Variants in CCNA1 observed in about 807,000 individuals in gnomAD.
CCNA1 encodes the protein cyclin-A1.
A neutral mutation model predicts 54.1 loss-of-function variants in CCNA1; 23 were observed. The observed-to-expected ratio is 0.42, with a 90% CI of 0.31 to 0.60. The LOEUF is 0.60. Ranked by LOEUF, CCNA1 falls within the 20% of genes least tolerant of loss-of-function variation. The pLI is 0.14. For missense variants in CCNA1, 450 were observed against 556.7 expected (o/e 0.81, Z 1.93); for synonymous variants, 208 against 213.9 (o/e 0.97, Z 0.24).
Position 36,437,705 on chromosome 13 carries a change from G to T in CCNA1, c.374G>T (p.Cys125Phe). 1 of 1,613,892 alleles carries T rather than the reference G, an allele frequency of 6.2e-7. No individual in the cohort carries two copies. Among genetic ancestry groups the T allele is most frequent in the Non-Finnish European group, 8.5e-7 (1 of 1,179,790 alleles). Residue 125 changes from cysteine (C) to phenylalanine (F), a missense_variant, in exon 3 of 9, where the codon TGT becomes TTT. Coordinates refer to ENST00000255465, the MANE Select transcript of CCNA1 (RefSeq NM_003914.4). ...GCTGGAAAGAAAGCACTCCCTGACT[G>T]TGGGGTCCAAGAGCCCCCCAAGCAA...
chr13:36,432,996 C>G, intron 1 of CCNA1, 37 bp from the exon 2 acceptor site: 1 of 1,586,608 alleles, frequency 6.3e-7, no homozygotes, highest in South Asian at 1.2e-5. Context: ...TGGACGGAAT[C>G]GACTAAACAG....
At position 36,438,079 on chromosome 13, in the gene CCNA1, T is replaced by C. The variant is rs780039232; in HGVS notation, c.557T>C (p.Leu186Pro). 1 of 1,613,476 alleles carries C rather than the reference T, an allele frequency of 6.2e-7. No individual in the cohort carries two copies. The highest frequency in any genetic ancestry group is 1.1e-5 in the South Asian group (1 of 90,914). Reference sequence around the variant, plus strand: ...TGAACTCTTGCAGTTTCCCCTATGCTGGTAGATTCATCTCTCCTCTCCCAG... The same window carrying C: ...TGAACTCTTGCAGTTTCCCCTATGCCGGTAGATTCATCTCTCCTCTCCCAG... Residue 186 changes from leucine (L) to proline (P), a missense_variant, in exon 4 of 9, where the codon CTG becomes CCG. Around this residue, in one of 6 missense-constraint regions of CCNA1, gnomAD observed 103 missense variants for 92.9 expected, o/e 1.11. Coordinates refer to ENST00000255465, the MANE Select transcript of CCNA1 (RefSeq NM_003914.4).
At chr13:36,433,842 G>T (rs1159201505) in intron 2 of CCNA1, among the ~76,000 whole-genome samples, 2 of 152,128 alleles carry the variant, frequency 1.3e-5, no homozygotes, top group Non-Finnish European at 2.9e-5. Flanking sequence ...TGGCAGGCCA[G>T]TTGATTTCTT....
In CCNA1 at chr13:36,433,199, A is replaced by G; in HGVS notation, c.275A>G (p.Gln92Arg). Residue 92 changes from glutamine (Q) to arginine (R), a missense_variant, in exon 2 of 9, where the codon CAG (glutamine) becomes CGG (arginine). Physicochemically the swap from Gln to Arg is conservative, Grantham distance 43 (BLOSUM62 1). This residue lies in a region of CCNA1 where 19 missense variants were observed against 40.5 expected (regional missense o/e 0.47). Coordinates refer to ENST00000255465, the MANE Select transcript of CCNA1 (RefSeq NM_003914.4). ...CTAGGGCTGCTAACTGCAAATGGGCAGTACAGGAGGACCTGTGGCCAGGTA... is the reference window on the plus strand; with the variant it reads ...CTAGGGCTGCTAACTGCAAATGGGCGGTACAGGAGGACCTGTGGCCAGGTA... The G allele has an allele frequency of 6.2e-7, 1 of 1,613,376 alleles. No homozygotes were observed. Among genetic ancestry groups the G allele is most frequent in the Non-Finnish European group, 8.5e-7 (1 of 1,179,700 alleles).
Position 36,441,162 on chromosome 13 carries a change from A to G in CCNA1, c.1143A>G (p.Lys381=). The stretch of plus-strand genomic sequence containing the variant: ...TACTTGAAGCAGATCCATTCTTGAA[A>G]TATCTTCCTTCACTGATAGCTGCAG... The change falls in exon 7 of 9, where the codon AAA becomes AAG. Residue 381 remains lysine (K), a synonymous_variant. Coordinates refer to ENST00000255465, the MANE Select transcript of CCNA1 (RefSeq NM_003914.4). The G allele has an allele frequency of 1.2e-6, 2 of 1,613,222 alleles. No homozygotes were observed. Among genetic ancestry groups the G allele is most frequent in the Non-Finnish European group, 1.7e-6 (2 of 1,179,328 alleles).
Position 36,437,726 on chromosome 13 carries a change from A to G in CCNA1, c.395A>G (p.Lys132Arg). The change falls in exon 3 of 9, where the codon AAG becomes AGG. Residue 132 changes from lysine (K) to arginine (R), a missense_variant. Physicochemically the swap from Lys to Arg is conservative, Grantham distance 26 (BLOSUM62 2). Transcript: ENST00000255465. Reference sequence around the variant, plus strand: ...GACTGTGGGGTCCAAGAGCCCCCCAAGCAAGGGTTTGACATCTACATGGAT... The same window carrying G: ...GACTGTGGGGTCCAAGAGCCCCCCAGGCAAGGGTTTGACATCTACATGGAT... The G allele has an allele frequency of 1.2e-6, 2 of 1,614,206 alleles. No individual in the cohort carries two copies. Among genetic ancestry groups the G allele is most frequent in the East Asian group, 2.2e-5 (1 of 44,880 alleles).
chr13:36,437,401 A>G (rs550700588), intron 2 of CCNA1, among the ~76,000 whole-genome samples: 3 of 152,282 alleles, frequency 2.0e-5, no homozygotes, highest in East Asian at 3.9e-4. Context: ...TGTGAGGTAG[A>G]TTAAAATTTT....
At position 36,432,613 on chromosome 13, in the gene CCNA1, T is replaced by G. The variant is rs1474527697; in HGVS notation, c.-9T>G. On this transcript the variant is annotated 5_prime_UTR_variant, in exon 1 of 9. Transcript: ENST00000255465. ...AGGCCGCAGCGCAGCACCCTGCTCGTCACTTGGGATGGAGACCGGCTTTCC... is the reference window on the plus strand; with the variant it reads ...AGGCCGCAGCGCAGCACCCTGCTCGGCACTTGGGATGGAGACCGGCTTTCC... 6.4e-7 allele frequency: 1 copy of G among 1,570,002 alleles called. No homozygotes were observed. The highest frequency in any genetic ancestry group is 2.2e-5 in the East Asian group (1 of 44,736).
intron 2 of CCNA1, among the ~76,000 whole-genome samples, 171 bp downstream of exon 2, chr13:36,433,392 TTC>T (rs2055746984): frequency 1.1e-5 from 1 of 92,224 alleles, no homozygotes; most frequent in African/African-American, 4.7e-5. Flanking sequence ...CTTTCTTTCT[TTC>T]TTTCTTTCTT....
chr13:36,439,981 A>G lies in CCNA1; in HGVS notation c.896A>G (p.Lys299Arg), dbSNP rs1462243131. Residue 299 changes from lysine to arginine, a missense_variant and splice_region_variant, in exon 6 of 9, where the codon AAA becomes AGA. Physicochemically the swap from Lys to Arg is conservative, Grantham distance 26 (BLOSUM62 2). Around this residue, in one of 6 missense-constraint regions of CCNA1, gnomAD observed 150 missense variants for 219.7 expected, o/e 0.68. Transcript: ENST00000255465. ...TCTGAAAACTCTTCCTTTCCCAGGAAATATGAAGAGATATATCCTCCTGAA... is the reference window on the plus strand; with the variant it reads ...TCTGAAAACTCTTCCTTTCCCAGGAGATATGAAGAGATATATCCTCCTGAA... The G allele has an allele frequency of 6.2e-7, 1 of 1,603,368 alleles. No individual in the cohort carries two copies. The highest frequency in any genetic ancestry group is 8.5e-7 in the Non-Finnish European group (1 of 1,170,948).
At chr13:36,438,953 G>A (rs2055843412) in intron 5 of CCNA1, 86 bp downstream of exon 5, 4 of 944,264 alleles carry the variant, frequency 4.2e-6, no homozygotes, top group African/African-American at 1.6e-5. Flanking sequence ...TTGAAGAAAT[G>A]CAATGCTTGA....
At chr13:36,441,835 A>G (rs1230599400) in intron 7 of CCNA1, among the ~76,000 whole-genome samples, 1 of 151,914 alleles carries the variant, frequency 6.6e-6, no homozygotes, top group Non-Finnish European at 1.5e-5. Flanking sequence ...CCAGCACTGC[A>G]GTGTTTTGAC....
At chr13:36,438,910 T>A (rs1566172818) in intron 5 of CCNA1, 43 bp downstream of exon 5, 2 of 1,437,020 alleles carry the variant, frequency 1.4e-6, no homozygotes, top group Non-Finnish European at 2.0e-6. Flanking sequence ...CTATCACTTG[T>A]CAAAACATGG....
chr13:36,432,675 G>C lies in CCNA1; in HGVS notation c.54G>C (p.Trp18Cys). Residue 18 changes from tryptophan (W) to cysteine (C), a missense_variant, in exon 1 of 9, where the codon TGG (tryptophan) becomes TGC (cysteine). Trp to Cys is a radical substitution (Grantham distance 215). Around this residue, in one of 6 missense-constraint regions of CCNA1, gnomAD observed 103 missense variants for 100.9 expected, o/e 1.02. Transcript: ENST00000255465. ...ACCCTGGATCTTTTATTGGGGGCTG[G>C]GGAGAAGAGTATCTCAGCTGGGAAG... The C allele has an allele frequency of 6.2e-7, 1 of 1,612,572 alleles. No homozygotes were observed. The highest frequency in any genetic ancestry group is 8.5e-7 in the Non-Finnish European group (1 of 1,179,458).
chr13:36,437,209 A>G (rs1469163503), intron 2 of CCNA1, among the ~76,000 whole-genome samples: 1 of 152,126 alleles, frequency 6.6e-6, no homozygotes, highest in Non-Finnish European at 1.5e-5. Flanking sequence ...TTATTTAAGG[A>G]GGGGAATTGT....
rs933815719 is a variant in CCNA1 at position 36,432,665 on chromosome 13, T to C, written c.44T>C (p.Ile15Thr). The change falls in exon 1 of 9, where the codon ATT (isoleucine) becomes ACT (threonine). Residue 15 changes from isoleucine to threonine, a missense_variant. Coordinates refer to ENST00000255465, the MANE Select transcript of CCNA1 (RefSeq NM_003914.4). ...GCAATCATGTACCCTGGATCTTTTA[T>C]TGGGGGCTGGGGAGAAGAGTATCTC... 26 of 1,610,546 alleles carry C rather than the reference T, an allele frequency of 1.6e-5. No individual in the cohort carries two copies. Among genetic ancestry groups the C allele is most frequent in the Admixed American group, 6.7e-5 (4 of 59,434 alleles).
intron 2 of CCNA1, among the ~76,000 whole-genome samples, chr13:36,433,559 G>A (rs1488765328): frequency 2.1e-5 from 1 of 47,586 alleles, no homozygotes; most frequent in Non-Finnish European, 4.1e-5. Context: ...TTTTTTTTTT[G>A]AGACGGAGTT....
At chr13:36,442,035 T>C (rs2055881405) in intron 7 of CCNA1, 136 bp from the exon 8 acceptor site, 2 of 571,932 alleles carry the variant, frequency 3.5e-6, no homozygotes, top group Non-Finnish European at 6.0e-6. Flanking sequence ...CTAAAATCTC[T>C]GAAGGGGGTT....
In CCNA1 at chr13:36,438,641, C is replaced by G; in HGVS notation, c.670-3C>G. The G allele has an allele frequency of 6.2e-7, 1 of 1,608,262 alleles. No homozygotes were observed. Among genetic ancestry groups the G allele is most frequent in the Non-Finnish European group, 8.5e-7 (1 of 1,175,758 alleles). On this transcript the variant is annotated splice_polypyrimidine_tract_variant and splice_region_variant and intron_variant, in intron 4 of 8. Transcript: ENST00000255465. ...CTAAATATCAAAACCTTTTCCCAAT[C>G]AGATAAGGCACAGACCCAAAGCACA... is the stretch of plus-strand genomic sequence containing the variant.
Sources: allele counts gnomAD v4.1 joint callset (sites outside exome capture counted in the v4.1 genomes callset), GRCh38; gene constraint gnomAD v4.1.1; regional missense constraint gnomAD v4.1.1; transcripts MANE v1.5; gene names NCBI Gene and HGNC (gene_info 2026-07-23, HGNC 2026-07-21).